The following CIRBP variants were observed in gnomAD, a reference collection of about 807,000 sequenced individuals.
CIRBP encodes the protein cold-inducible RNA-binding protein.
CIRBP carries 11 observed loss-of-function variants against 22.3 expected under a neutral mutation model. The observed-to-expected ratio is 0.49, with a 90% CI of 0.31 to 0.82. CIRBP has a LOEUF of 0.82. Among genes scored for constraint, CIRBP ranks in the 40% least tolerant of loss-of-function variants. The probability of loss-of-function intolerance (pLI) is 0.05; values close to 1 mark genes in which losing one functional copy is unlikely to be tolerated. For missense variants in CIRBP, 456 were observed against 402.7 expected, an observed-to-expected ratio of 1.13 and a Z score of -1.13; for synonymous variants, 216 against 158.8, an observed-to-expected ratio of 1.36 and a Z score of -2.71.
chr19:1,270,884 T>A, intron 1 of CIRBP, 44 bp from the exon 2 acceptor site: 2 of 1,230,936 alleles, frequency 1.6e-6, no homozygotes, highest in South Asian at 1.2e-5. Flanking sequence ...GGAGAGGTGG[T>A]GAGAGATGAC....
chr19:1,271,899 T>C, intron 5 of CIRBP, 82 bp from the exon 6 acceptor site: 3 of 1,260,204 alleles, frequency 2.4e-6, no homozygotes, highest in Non-Finnish European at 3.4e-6. Context: ...ACGGCTGGCA[T>C]GGGGGCTGGC....
chr19:1,272,316 G>C lies in CIRBP; in HGVS notation c.767G>C (p.Cys256Ser), dbSNP rs567366344. 2.0e-4 allele frequency: 316 copies of C among 1,613,634 alleles called. No individual in the cohort carries two copies. The highest frequency in any genetic ancestry group is 2.6e-4 in the Non-Finnish European group (308 of 1,179,924). Residue 256 changes from cysteine to serine, a missense_variant, in exon 6 of 6, where the codon TGT (cysteine) becomes TCT (serine). This residue lies in a region of CIRBP where 426 missense variants were observed against 339.6 expected (regional missense o/e 1.25). Transcript: ENST00000587896. ...GGCCGCAGGCCAGCCTCCCTCGGCT[G>C]TGGGGGGTGGTTGCTCCCCGGCCGC... ...MCGRRPASLGCGGWLLPGRRP... is the reference protein window; with the variant it reads ...MCGRRPASLGSGGWLLPGRRP...
At chr19:1,270,836 C>T (rs1345236051) in intron 1 of CIRBP, 92 bp from the exon 2 acceptor site, 10 of 849,392 alleles carry the variant, frequency 1.2e-5, no homozygotes, top group South Asian at 1.0e-4. Context: ...AATATTTCCC[C>T]TAAAAAACAC....
chr19:1,271,714 T>C (rs983924858), intron 5 of CIRBP, 82 bp downstream of exon 5: 9 of 934,864 alleles, frequency 9.6e-6, no homozygotes, highest in Non-Finnish European at 1.5e-5. Flanking sequence ...CTGGGGGAGC[T>C]GAGATGAGAC....
In CIRBP at chr19:1,273,280, C is replaced by T. The variant is rs1320693903; in HGVS notation, c.*837C>T. ...GTGGAGAAGCAGCGGGTCTGCAAGC[C>T]TTCCCTGGGGCCTGCAGAGCTAGAA... is the stretch of plus-strand genomic sequence containing the variant. On this transcript the variant is annotated 3_prime_UTR_variant, in exon 6 of 6. Transcript: ENST00000587896. 6.6e-6 allele frequency: 1 copy of T among 152,350 alleles called. No individual in the cohort carries two copies. The allele number at this position is 152,350 out of a possible 1,614,324, so 9.4% of individuals were successfully genotyped here. A position where few individuals can be genotyped will look rare whatever the true frequency, so the allele number is the denominator to read the frequency against.
Position 1,271,243 on chromosome 19 carries a change from G to A in CIRBP, c.207G>A (p.Gly69=). 2 of 1,614,072 alleles carry A rather than the reference G, an allele frequency of 1.2e-6. No homozygotes were observed. Among genetic ancestry groups the A allele is most frequent in the Admixed American group, 1.7e-5 (1 of 60,026 alleles). The change falls in exon 3 of 6, where the codon GGG becomes GGA. Residue 69 remains glycine, a synonymous_variant. Coordinates refer to ENST00000587896, the MANE Select transcript of CIRBP (RefSeq NM_001300829.2). ...DAKDAMMAMN[G]KSVDGRQIRV... is the part of the protein sequence containing the mutation. ...AGGATGCCATGATGGCCATGAATGG[G>A]AAGGTGAGGATCAGGGTGCTGAGCA...
rs968479187 is a variant in CIRBP, at chr19:1,272,505, C to T, written c.*62C>T. ...GTGTGTTTAAAGATTGTGGGAGCTTCGCTGAACGTTAATGTGTAGTAAATG... is the reference window on the plus strand; with the variant it reads ...GTGTGTTTAAAGATTGTGGGAGCTTTGCTGAACGTTAATGTGTAGTAAATG... On this transcript the variant is annotated 3_prime_UTR_variant, in exon 6 of 6. Coordinates refer to ENST00000587896, the MANE Select transcript of CIRBP (RefSeq NM_001300829.2). The T allele has an allele frequency of 8.2e-6, 11 of 1,342,968 alleles. No homozygotes were observed. The highest frequency in any genetic ancestry group is 2.3e-5 in the Admixed American group (1 of 43,460). 83.2% of individuals were successfully genotyped at this position (1,342,968 alleles called of 1,614,324 possible).
rs748597394 is a variant in CIRBP, at chr19:1,270,114, A to G, written c.-7+704A>G. 2.5e-5 allele frequency: 13 copies of G among 518,852 alleles called. No individual in the cohort carries two copies. The Admixed American group carries it at 2.5e-4, about 10-fold the overall frequency. 32.1% of individuals were successfully genotyped at this position (518,852 alleles called of 1,614,324 possible). A position where few individuals can be genotyped will look rare whatever the true frequency, so the allele number is the denominator to read the frequency against. On this transcript the variant is annotated intron_variant, in intron 1 of 5. Coordinates refer to ENST00000587896, the MANE Select transcript of CIRBP (RefSeq NM_001300829.2). ...TAAATGCCACTTCCCCTGCCTGGAAATCCTGCCTTATCACTTCCGGGGCCA... is the reference window on the plus strand; with the variant it reads ...TAAATGCCACTTCCCCTGCCTGGAAGTCCTGCCTTATCACTTCCGGGGCCA...
Position 1,272,237 on chromosome 19 carries a change from CA to C in CIRBP, c.693del (p.Gly232AlafsTer43), listed in dbSNP as rs1568833440. The C allele has an allele frequency of 8.1e-6, 13 of 1,601,406 alleles. No individual in the cohort carries two copies. Among genetic ancestry groups the C allele is most frequent in the Middle Eastern group, 1.6e-4 (1 of 6,074 alleles). On this transcript the variant is annotated frameshift_variant, in exon 6 of 6. Transcript: ENST00000587896. LOFTEE classifies it low-confidence loss of function (END_TRUNC). ...GACGCAAAAGCCAAATGAGACTGAC[CA>C]AAAAGGCAAGGGAGAGCGAGGGCCC... ...RRTQKPNETD[Q>X]KGKGERGPAG...
Position 1,274,173 on chromosome 19 carries a change from A to AC in CIRBP, c.*1731dup. 4 of 396,356 alleles carry AC rather than the reference A, an allele frequency of 1.0e-5. No individual in the cohort carries two copies. The highest frequency in any genetic ancestry group is 1.8e-5 in the Non-Finnish European group (4 of 224,676). The allele number at this position is 396,356 out of a possible 1,614,324, so 24.6% of individuals were successfully genotyped here. ...CCCGCCCTGGGCATGCTGGCCTGTG[A>AC]CGGAGCCTGAGGTCACAGCCCCCTG... On this transcript the variant is annotated 3_prime_UTR_variant, in exon 6 of 6. Transcript: ENST00000587896.
rs200103164 is a variant in CIRBP at position 1,271,637 on chromosome 19, G to C, written c.431+5G>C. 8.0e-6 allele frequency: 12 copies of C among 1,500,356 alleles called. No individual in the cohort carries two copies. Among genetic ancestry groups the C allele is most frequent in the East Asian group, 2.3e-5 (1 of 44,082 alleles). 92.9% of individuals were successfully genotyped at this position (1,500,356 alleles called of 1,614,324 possible). A position where few individuals can be genotyped will look rare whatever the true frequency, so the allele number is the denominator to read the frequency against. ...CTCCAGAGACTACTATAGCAGGTGAGGGGGAGGCCGGCCCAAGCACAGGGG... is the reference window on the plus strand; with the variant it reads ...CTCCAGAGACTACTATAGCAGGTGACGGGGAGGCCGGCCCAAGCACAGGGG... On this transcript the variant is annotated splice_donor_5th_base_variant and intron_variant, in intron 5 of 5. Transcript: ENST00000587896.
rs1443829046 is a variant in CIRBP, at chr19:1,274,102, C to T, written c.*1659C>T. 9 of 389,078 alleles carry T rather than the reference C, an allele frequency of 2.3e-5. No homozygotes were observed. Among genetic ancestry groups the T allele is most frequent in the Non-Finnish European group, 4.1e-5 (9 of 220,576 alleles). 24.1% of individuals were successfully genotyped at this position (389,078 alleles called of 1,614,324 possible). A position where few individuals can be genotyped will look rare whatever the true frequency, so the allele number is the denominator to read the frequency against. ...CTAGAGCCCACACTGGCCCACATAG[C>T]TCCATCCCATACGGGTAGCTGGCTC... On this transcript the variant is annotated 3_prime_UTR_variant, in exon 6 of 6. Transcript: ENST00000587896.
intron 1 of CIRBP, 131 bp from the exon 2 acceptor site, chr19:1,270,797 G>C: frequency 1.3e-6 from 1 of 747,448 alleles, no homozygotes; most frequent in Admixed American, 2.1e-5. Context: ...ATGAGTTTGA[G>C]ATAATGAAAA....
chr19:1,272,677 T>G lies in CIRBP; in HGVS notation c.*234T>G, dbSNP rs1346257043. ...TTTTTTTGAGGGTTTTCAAAACATT[T>G]TGAAAAGCATTTACTTTTTTGACCA... is the stretch of plus-strand genomic sequence containing the variant. On this transcript the variant is annotated 3_prime_UTR_variant, in exon 6 of 6. Transcript: ENST00000587896. 2.4e-6 allele frequency: 1 copy of G among 411,342 alleles called. No homozygotes were observed. Among genetic ancestry groups the G allele is most frequent in the Non-Finnish European group, 4.3e-6 (1 of 230,878 alleles). 25.5% of individuals were successfully genotyped at this position (411,342 alleles called of 1,614,324 possible).
chr19:1,269,824 C>G (rs762183191), intron 1 of CIRBP: 2 of 518,008 alleles, frequency 3.9e-6, no homozygotes, highest in African/African-American at 3.9e-5. Context: ...CTTTTGCTTA[C>G]CGAGCCTTAG....
In CIRBP at chr19:1,273,536, C is replaced by A. The variant is rs1009256566; in HGVS notation, c.*1093C>A. 2 of 152,270 alleles carry A rather than the reference C, an allele frequency of 1.3e-5. No individual in the cohort carries two copies. The highest frequency in any genetic ancestry group is 4.8e-5 in the African/African-American group (2 of 41,434). The allele number at this position is 152,270 out of a possible 1,614,324, so 9.4% of individuals were successfully genotyped here. A position where few individuals can be genotyped will look rare whatever the true frequency, so the allele number is the denominator to read the frequency against. On this transcript the variant is annotated 3_prime_UTR_variant, in exon 6 of 6. Coordinates refer to ENST00000587896, the MANE Select transcript of CIRBP (RefSeq NM_001300829.2). ...GAGGCACGTGGCATCCCAGGGCGAC[C>A]TCAGACGGCCAGCCGGTTAGCTAGT...
In CIRBP at chr19:1,271,562, C is replaced by G; in HGVS notation, c.361C>G (p.Arg121Gly). ...TCCTGTATGTGCAGGAGGAGGGGACCGAGGCTATGGGGGGAACCGGTTCGA... is the reference window on the plus strand; with the variant it reads ...TCCTGTATGTGCAGGAGGAGGGGACGGAGGCTATGGGGGGAACCGGTTCGA... ...GRGFSRGGGDRGYGGNRFESR... is the reference protein window; with the variant it reads ...GRGFSRGGGDGGYGGNRFESR... Residue 121 changes from arginine (R) to glycine (G), a missense_variant, in exon 5 of 6, where the codon CGA (arginine) becomes GGA (glycine). By Grantham distance (125) the Arg-to-Gly change is moderately radical. Transcript: ENST00000587896. The G allele has an allele frequency of 6.3e-7, 1 of 1,581,206 alleles. No individual in the cohort carries two copies. The highest frequency in any genetic ancestry group is 1.2e-5 in the South Asian group (1 of 86,948).
At chr19:1,269,905 G>A (rs117164395) in intron 1 of CIRBP, 1 of 519,940 alleles carries the variant, frequency 1.9e-6, no homozygotes, top group South Asian at 1.4e-5. Flanking sequence ...GGCGTGGCCC[G>A]TTCTAGTGTG....
Position 1,272,008 on chromosome 19 carries a change from C to G in CIRBP, c.459C>G (p.Asp153Glu). 1.9e-6 allele frequency: 3 copies of G among 1,612,132 alleles called. No individual in the cohort carries two copies. Among genetic ancestry groups the G allele is most frequent in the Non-Finnish European group, 2.5e-6 (3 of 1,178,348 alleles). Residue 153 changes from aspartate to glutamate, a missense_variant, in exon 6 of 6, where the codon GAC becomes GAG. Physicochemically the swap from Asp to Glu is conservative, Grantham distance 45. Transcript: ENST00000587896. ...GGAGTCAGAGTGGTGGCTACAGTGA[C>G]CGGAGCTCGGGCGGGTCCTACAGAG... Reference protein sequence around the residue: ...SSRSQSGGYSDRSSGGSYRDS... With the variant: ...SSRSQSGGYSERSSGGSYRDS...
Sources: allele counts gnomAD v4.1 joint callset, GRCh38; gene constraint gnomAD v4.1.1; regional missense constraint gnomAD v4.1.1; transcripts MANE v1.5; gene names NCBI Gene and HGNC (gene_info 2026-07-23, HGNC 2026-07-21).